TIGD5: variants seen among roughly 807,000 people sequenced by gnomAD.
TIGD5 encodes the protein tigger transposable element-derived protein 5.
TIGD5 carries 24 observed loss-of-function variants against 28.8 expected under a neutral mutation model. The observed-to-expected ratio is 0.83, with a 90% CI of 0.60 to 1.17. The LOEUF (loss-of-function observed/expected upper bound fraction) is 1.17, where lower values mean the gene tolerates loss of function less well. TIGD5 is among the 50% of genes most tolerant of loss of function. The pLI, the probability that TIGD5 is intolerant of heterozygous loss-of-function variation, is 0.00. For synonymous variants in TIGD5, 538 were observed against 430.5 expected, an observed-to-expected ratio of 1.25 and a Z score of -3.09; for missense variants, 922 against 911.4, an observed-to-expected ratio of 1.01 and a Z score of -0.15.
Position 143,598,575 on chromosome 8 carries a change from G to A in TIGD5, c.672G>A (p.Pro224=). 7.6e-7 allele frequency: 1 copy of A among 1,318,254 alleles called. No homozygotes were observed. The highest frequency in any genetic ancestry group is 3.3e-5 in the East Asian group (1 of 30,336). The allele number at this position is 1,318,254 out of a possible 1,614,324, so 81.7% of individuals were successfully genotyped here. A position where few individuals can be genotyped will look rare whatever the true frequency, so the allele number is the denominator to read the frequency against. Residue 224 remains proline, a synonymous_variant, in exon 1 of 1, where the codon CCG becomes CCA. Transcript: ENST00000504548. This position sits in a 1 kb window ranked among gnomAD's most constrained non-coding sequence, Gnocchi z 6.6. ...TGCCCGACCGCGCCCCGGCCCCGCC[G>A]CCCCCGGCCGAGGGCGGCTACGGGG... ...GPLPDRAPAP[P]PPAEGGYGDE...
rs1330757145 is a variant in TIGD5 at position 143,599,969 on chromosome 8, T to C, written c.*137T>C. On this transcript the variant is annotated 3_prime_UTR_variant, in exon 1 of 1. Transcript: ENST00000504548. ...GGGTTCCAGGAATCCAAATCCAGCA[T>C]GGCTTGGAGGAGCTCTGTTGGTGAG... The C allele has an allele frequency of 4.9e-6, 5 of 1,024,178 alleles. No homozygotes were observed. The African/African-American group carries it at 8.4e-5, about 17-fold the overall frequency. The allele number at this position is 1,024,178 out of a possible 1,614,324, so 63.4% of individuals were successfully genotyped here. A position where few individuals can be genotyped will look rare whatever the true frequency, so the allele number is the denominator to read the frequency against.
At position 143,603,151 on chromosome 8, in the gene TIGD5, C is replaced by T. The variant is rs769790263; in HGVS notation, c.*3319C>T. On this transcript the variant is annotated 3_prime_UTR_variant, in exon 1 of 1. Transcript: ENST00000504548. Reference sequence around the variant, plus strand: ...TTCCTCTAACTGGCGAGCTTGTTTACAGCTGAGCTCGCCTGGTCAGATGGG... The same window carrying T: ...TTCCTCTAACTGGCGAGCTTGTTTATAGCTGAGCTCGCCTGGTCAGATGGG... 1 of 152,242 alleles carries T rather than the reference C, an allele frequency of 6.6e-6. No homozygotes were observed. Among genetic ancestry groups the T allele is most frequent in the Non-Finnish European group, 1.5e-5 (1 of 68,056 alleles). The allele number at this position is 152,242 out of a possible 1,614,324, so 9.4% of individuals were successfully genotyped here. A position where few individuals can be genotyped will look rare whatever the true frequency, so the allele number is the denominator to read the frequency against.
In TIGD5 at chr8:143,598,567, G is replaced by GCCCCGC. The variant is rs1829154727; in HGVS notation, c.666_671dup (p.Pro225_Pro226dup). 1 of 1,324,394 alleles carries GCCCCGC rather than the reference G, an allele frequency of 7.6e-7. No homozygotes were observed. The highest frequency in any genetic ancestry group is 1.6e-5 in the African/African-American group (1 of 64,168). The allele number at this position is 1,324,394 out of a possible 1,614,324, so 82.0% of individuals were successfully genotyped here. On this transcript the variant is annotated inframe_insertion, in exon 1 of 1. Coordinates refer to ENST00000504548, the MANE Select transcript of TIGD5 (RefSeq NM_032862.5). The surrounding 1 kb of genome is among the most constrained non-coding windows in gnomAD (Gnocchi z 6.6). Reference sequence around the variant, plus strand: ...CGGCCCCCTGCCCGACCGCGCCCCGGCCCCGCCGCCCCCGGCCGAGGGCGG... The same window carrying GCCCCGC: ...CGGCCCCCTGCCCGACCGCGCCCCGGCCCCGCCCCCGCCGCCCCCGGCCGAGGGCGG...
chr8:143,599,135 C>G lies in TIGD5; in HGVS notation c.1232C>G (p.Ala411Gly). 1 of 1,596,368 alleles carries G rather than the reference C, an allele frequency of 6.3e-7. No individual in the cohort carries two copies. The highest frequency in any genetic ancestry group is 8.5e-7 in the Non-Finnish European group (1 of 1,172,618). ...TTCCTGTCCAAAGGCAGCAGCCGGGCACATATCCCCGCACCGCTGGAGCAG... is the reference window on the plus strand; with the variant it reads ...TTCCTGTCCAAAGGCAGCAGCCGGGGACATATCCCCGCACCGCTGGAGCAG... Reference protein sequence around the residue: ...VLFLSKGSSRAHIPAPLEQGV... With the variant: ...VLFLSKGSSRGHIPAPLEQGV... The change falls in exon 1 of 1, where the codon GCA (alanine) becomes GGA (glycine). Residue 411 changes from alanine (A) to glycine (G), a missense_variant. Physicochemically the swap from Ala to Gly is moderately conservative, Grantham distance 60. Transcript: ENST00000504548.
chr8:143,599,964 C>G lies in TIGD5; in HGVS notation c.*132C>G, dbSNP rs768999840. The G allele has an allele frequency of 3.7e-6, 4 of 1,068,600 alleles. No homozygotes were observed. The highest frequency in any genetic ancestry group is 4.9e-6 in the Non-Finnish European group (4 of 814,112). The allele number at this position is 1,068,600 out of a possible 1,614,324, so 66.2% of individuals were successfully genotyped here. ...ACAGGGGGTTCCAGGAATCCAAATC[C>G]AGCATGGCTTGGAGGAGCTCTGTTG... On this transcript the variant is annotated 3_prime_UTR_variant, in exon 1 of 1. Transcript: ENST00000504548.
rs768573625 is a variant in TIGD5 at position 143,599,020 on chromosome 8, G to A, written c.1117G>A (p.Asp373Asn). 5.1e-6 allele frequency: 8 copies of A among 1,572,540 alleles called. No individual in the cohort carries two copies. Among genetic ancestry groups the A allele is most frequent in the Middle Eastern group, 1.8e-4 (1 of 5,410 alleles). Residue 373 changes from aspartate to asparagine, a missense_variant, in exon 1 of 1, where the codon GAC becomes AAC. Physicochemically the swap from Asp to Asn is conservative, Grantham distance 23. Coordinates refer to ENST00000504548, the MANE Select transcript of TIGD5 (RefSeq NM_032862.5). ...PSPAASMPAL[D>N]SEDAPVRCRP... is the part of the protein sequence containing the mutation. ...CCCAGCTGCCAGTATGCCCGCCCTG[G>A]ACAGCGAGGATGCCCCCGTGCGGTG...
Position 143,599,616 on chromosome 8 carries a change from A to T in TIGD5, c.1713A>T (p.Gly571=). 1 of 1,527,430 alleles carries T rather than the reference A, an allele frequency of 6.5e-7. No homozygotes were observed. The highest frequency in any genetic ancestry group is 8.8e-7 in the Non-Finnish European group (1 of 1,140,444). 94.6% of individuals were successfully genotyped at this position (1,527,430 alleles called of 1,614,324 possible). ...GTCTGCCCTCTGCCATGGGGGGCGG[A>T]GAGGACGAGGAGGAGGCCACCGACT... ...PASLPSAMGG[G]EDEEEATDYG... is the part of the protein sequence containing the mutation. The change falls in exon 1 of 1, where the codon GGA becomes GGT. Residue 571 remains glycine (G), a synonymous_variant. Transcript: ENST00000504548.
In TIGD5 at chr8:143,598,222, G is replaced by A. The variant is rs1157973816; in HGVS notation, c.319G>A (p.Gly107Ser). Residue 107 changes from glycine (G) to serine (S), a missense_variant, in exon 1 of 1, where the codon GGT becomes AGT. Around this residue, in one of 3 missense-constraint regions of TIGD5, gnomAD observed 821 missense variants for 815.2 expected, o/e 1.01. Coordinates refer to ENST00000504548, the MANE Select transcript of TIGD5 (RefSeq NM_032862.5). The surrounding 1 kb of genome is among the most constrained non-coding windows in gnomAD (Gnocchi z 6.6). Reference sequence around the variant, plus strand: ...GCGCTGGTTCCTGGAGCAGCTGGGCGGTGAGGTGGGCACTCAGCGCAAGAA... The same window carrying A: ...GCGCTGGTTCCTGGAGCAGCTGGGCAGTGAGGTGGGCACTCAGCGCAAGAA... ...KLRWFLEQLG[G>S]EVGTQRKKMR... 51 of 1,607,512 alleles carry A rather than the reference G, an allele frequency of 3.2e-5. 1 individual carries two copies. The Admixed American group carries it at 8.5e-4, about 27-fold the overall frequency.
At position 143,598,089 on chromosome 8, in the gene TIGD5, G is replaced by T. The variant is rs1371776082; in HGVS notation, c.186G>T (p.Leu62=). Residue 62 remains leucine, a synonymous_variant, in exon 1 of 1, where the codon CTG becomes CTT. Transcript: ENST00000504548. The surrounding 1 kb of genome is among the most constrained non-coding windows in gnomAD (Gnocchi z 6.6). ...FRKAYSIKDK[L]QAIERVKGGE... Reference sequence around the variant, plus strand: ...AGGCCTACTCCATCAAGGACAAGCTGCAGGCCATCGAGCGCGTCAAGGGCG... The same window carrying T: ...AGGCCTACTCCATCAAGGACAAGCTTCAGGCCATCGAGCGCGTCAAGGGCG... The T allele has an allele frequency of 1.9e-6, 3 of 1,550,418 alleles. No homozygotes were observed. The highest frequency in any genetic ancestry group is 8.7e-7 in the Non-Finnish European group (1 of 1,152,502).
rs772279465 is a variant in TIGD5, at chr8:143,599,762, C to T, written c.1859C>T (p.Ser620Leu). 6.7e-6 allele frequency: 10 copies of T among 1,493,096 alleles called. No homozygotes were observed. Among genetic ancestry groups the T allele is most frequent in the Non-Finnish European group, 8.8e-6 (10 of 1,129,958 alleles). 92.5% of individuals were successfully genotyped at this position (1,493,096 alleles called of 1,614,324 possible). ...VGPLRLVQLR[S>L]LISMARRLGG... ...CCACTGAGGCTGGTGCAGTTGCGCT[C>T]ACTCATCAGCATGGCCCGGAGGCTG... Residue 620 changes from serine to leucine, a missense_variant, in exon 1 of 1, where the codon TCA (serine) becomes TTA (leucine). By Grantham distance (145) the Ser-to-Leu change is moderately radical. Transcript: ENST00000504548.
At position 143,597,931 on chromosome 8, in the gene TIGD5, C is replaced by T. The variant is rs541013207; in HGVS notation, c.28C>T (p.Pro10Ser). Residue 10 changes from proline to serine, a missense_variant, in exon 1 of 1, where the codon CCG (proline) becomes TCG (serine). Pro to Ser is a moderately conservative substitution (Grantham distance 74). Around this residue, in one of 3 missense-constraint regions of TIGD5, gnomAD observed 87 missense variants for 60.9 expected, o/e 1.43. Transcript: ENST00000504548. MYPAGPPAG[P>S]VPRRGRRPLP... ...GTACCCCGCGGGCCCCCCGGCCGGC[C>T]CGGTACCGCGCCGCGGCCGCCGTCC... is the stretch of plus-strand genomic sequence containing the variant. 1,599 of 867,796 alleles carry T rather than the reference C, an allele frequency of 1.8e-3. 6 individuals carry two copies. Among genetic ancestry groups the T allele is most frequent in the Non-Finnish European group, 2.1e-3 (1,530 of 725,068 alleles). 53.8% of individuals were successfully genotyped at this position (867,796 alleles called of 1,614,324 possible).
chr8:143,599,813 G>T lies in TIGD5; in HGVS notation c.1910G>T (p.Gly637Val). 1 of 1,482,716 alleles carries T rather than the reference G, an allele frequency of 6.7e-7. No individual in the cohort carries two copies. The highest frequency in any genetic ancestry group is 8.9e-7 in the Non-Finnish European group (1 of 1,125,742). The allele number at this position is 1,482,716 out of a possible 1,614,324, so 91.8% of individuals were successfully genotyped here. A position where few individuals can be genotyped will look rare whatever the true frequency, so the allele number is the denominator to read the frequency against. ...GGGGGCATCGGGCATACCCCAGCAG[G>T]CCCCTATGACGGTGTGTGACCAGGC... Reference protein sequence around the residue: ...RLGGIGHTPAGPYDGV With the variant: ...RLGGIGHTPAVPYDGV The change falls in exon 1 of 1, where the codon GGC becomes GTC. Residue 637 changes from glycine (G) to valine (V), a missense_variant. By Grantham distance (109) the Gly-to-Val change is moderately radical. Transcript: ENST00000504548.
In TIGD5 at chr8:143,598,335, C is replaced by T. The variant is rs1427827896; in HGVS notation, c.432C>T (p.Gly144=). 6.2e-7 allele frequency: 1 copy of T among 1,604,956 alleles called. No individual in the cohort carries two copies. Among genetic ancestry groups the T allele is most frequent in the Non-Finnish European group, 8.5e-7 (1 of 1,177,078 alleles). Residue 144 remains glycine (G), a synonymous_variant, in exon 1 of 1, where the codon GGC becomes GGT. Transcript: ENST00000504548. This position sits in a 1 kb window ranked among gnomAD's most constrained non-coding sequence, Gnocchi z 6.6. ...ALRQHGVPLS[G]PLIQAQAEAF... Reference sequence around the variant, plus strand: ...GCCAGCACGGGGTGCCGCTGTCTGGCCCGCTCATCCAGGCGCAGGCCGAGG... The same window carrying T: ...GCCAGCACGGGGTGCCGCTGTCTGGTCCGCTCATCCAGGCGCAGGCCGAGG...
At position 143,600,129 on chromosome 8, in the gene TIGD5, C is replaced by A. The variant is rs969951811; in HGVS notation, c.*297C>A. On this transcript the variant is annotated 3_prime_UTR_variant, in exon 1 of 1. Coordinates refer to ENST00000504548, the MANE Select transcript of TIGD5 (RefSeq NM_032862.5). ...TGGAACAGGTGGCTGTGTTCCTGCT[C>A]TGGCCCCCGTGGGGCTGGGCCTCCG... 1 of 362,368 alleles carries A rather than the reference C, an allele frequency of 2.8e-6. No homozygotes were observed. The highest frequency in any genetic ancestry group is 4.9e-6 in the Non-Finnish European group (1 of 202,926). 22.4% of individuals were successfully genotyped at this position (362,368 alleles called of 1,614,324 possible).
rs1268855878 is a variant in TIGD5, at chr8:143,597,946, G to C, written c.43G>C (p.Gly15Arg). The change falls in exon 1 of 1, where the codon GGC (glycine) becomes CGC (arginine). Residue 15 changes from glycine to arginine, a missense_variant. Coordinates refer to ENST00000504548, the MANE Select transcript of TIGD5 (RefSeq NM_032862.5). ...GPPAGPVPRRGRRPLPGPPAP... is the reference protein window; with the variant it reads ...GPPAGPVPRRRRRPLPGPPAP... ...CCCGGCCGGCCCGGTACCGCGCCGC[G>C]GCCGCCGTCCCCTGCCCGGGCCCCC... 55 of 881,454 alleles carry C rather than the reference G, an allele frequency of 6.2e-5. No homozygotes were observed. The highest frequency in any genetic ancestry group is 7.3e-5 in the Non-Finnish European group (54 of 738,316). 54.6% of individuals were successfully genotyped at this position (881,454 alleles called of 1,614,324 possible).
In TIGD5 at chr8:143,597,856, C is replaced by T; in HGVS notation, c.-48C>T. ...GAGTGCCCCGCCCCGAGCGGCTGGGCGTGTGGCTCCCGCGACCCGCGCGGC... is the reference window on the plus strand; with the variant it reads ...GAGTGCCCCGCCCCGAGCGGCTGGGTGTGTGGCTCCCGCGACCCGCGCGGC... On this transcript the variant is annotated 5_prime_UTR_variant, in exon 1 of 1. Coordinates refer to ENST00000504548, the MANE Select transcript of TIGD5 (RefSeq NM_032862.5). 2 of 579,212 alleles carry T rather than the reference C, an allele frequency of 3.5e-6. No individual in the cohort carries two copies. Among genetic ancestry groups the T allele is most frequent in the East Asian group, 1.5e-4 (1 of 6,888 alleles). The allele number at this position is 579,212 out of a possible 1,614,324, so 35.9% of individuals were successfully genotyped here.
In TIGD5 at chr8:143,598,121, G is replaced by T. The variant is rs778318972; in HGVS notation, c.218G>T (p.Arg73Leu). The T allele has an allele frequency of 3.8e-6, 6 of 1,578,938 alleles. No individual in the cohort carries two copies. Among genetic ancestry groups the T allele is most frequent in the Non-Finnish European group, 5.1e-6 (6 of 1,165,436 alleles). ...ATCGAGCGCGTCAAGGGCGGCGAGCGGCAGGCCAGTGTGTGCCGCGACTTC... is the reference window on the plus strand; with the variant it reads ...ATCGAGCGCGTCAAGGGCGGCGAGCTGCAGGCCAGTGTGTGCCGCGACTTC... ...QAIERVKGGERQASVCRDFGV... is the reference protein window; with the variant it reads ...QAIERVKGGELQASVCRDFGV... The change falls in exon 1 of 1, where the codon CGG (arginine) becomes CTG (leucine). Residue 73 changes from arginine (R) to leucine (L), a missense_variant. Physicochemically the swap from Arg to Leu is moderately radical, Grantham distance 102. Around this residue, in one of 3 missense-constraint regions of TIGD5, gnomAD observed 821 missense variants for 815.2 expected, o/e 1.01. Transcript: ENST00000504548. The surrounding 1 kb of genome is among the most constrained non-coding windows in gnomAD (Gnocchi z 6.6).
Position 143,601,247 on chromosome 8 carries a change from C to A in TIGD5, c.*1415C>A, listed in dbSNP as rs934844911. On this transcript the variant is annotated 3_prime_UTR_variant, in exon 1 of 1. Transcript: ENST00000504548. Reference sequence around the variant, plus strand: ...CATATATATGTATATATCTATATCTCAAAATCTGAGAGCTCAGGGAGGCCG... The same window carrying A: ...CATATATATGTATATATCTATATCTAAAAATCTGAGAGCTCAGGGAGGCCG... The A allele has an allele frequency of 6.6e-6, 1 of 152,168 alleles. No homozygotes were observed. The highest frequency in any genetic ancestry group is 2.4e-5 in the African/African-American group (1 of 41,440). 9.4% of individuals were successfully genotyped at this position (152,168 alleles called of 1,614,324 possible).
At position 143,599,651 on chromosome 8, in the gene TIGD5, C is replaced by T. The variant is rs749753406; in HGVS notation, c.1748C>T (p.Thr583Ile). Residue 583 changes from threonine (T) to isoleucine (I), a missense_variant, in exon 1 of 1, where the codon ACC (threonine) becomes ATC (isoleucine). By Grantham distance (89) the Thr-to-Ile change is moderately conservative (BLOSUM62 -1). This residue lies in a region of TIGD5 where 821 missense variants were observed against 815.2 expected (regional missense o/e 1.01). Transcript: ENST00000504548. Reference sequence around the variant, plus strand: ...GAGGAGGCCACCGACTATGGAGGGACCTCAGTGCCGACTGCCGGGGAGGCC... The same window carrying T: ...GAGGAGGCCACCGACTATGGAGGGATCTCAGTGCCGACTGCCGGGGAGGCC... ...DEEEATDYGG[T>I]SVPTAGEAVR... The T allele has an allele frequency of 6.6e-7, 1 of 1,519,854 alleles. No individual in the cohort carries two copies. The highest frequency in any genetic ancestry group is 1.4e-5 in the African/African-American group (1 of 71,734). 94.1% of individuals were successfully genotyped at this position (1,519,854 alleles called of 1,614,324 possible).
Sources: allele counts gnomAD v4.1 joint callset, GRCh38; gene constraint gnomAD v4.1.1; regional missense constraint gnomAD v4.1.1; non-coding constraint Gnocchi (gnomAD v3.1); transcripts MANE v1.5; gene names NCBI Gene and HGNC (gene_info 2026-07-23, HGNC 2026-07-21).